TANC1: variants seen among roughly 807,000 people sequenced by gnomAD.
The protein encoded by TANC1 is tetratricopeptide repeat, ankyrin repeat and coiled-coil containing 1.
A neutral mutation model predicts 149.7 loss-of-function variants in TANC1; 77 were observed. The ratio of observed to expected loss-of-function variants is 0.51; its 90% CI spans 0.43 to 0.62. The LOEUF is 0.62. TANC1 is among the 20% of genes least tolerant of loss of function. The pLI is 0.00. For synonymous variants in TANC1, 854 were observed against 925.0 expected, an observed-to-expected ratio of 0.92 and a Z score of 1.39; for missense variants, 1,985 against 2,321.8, an observed-to-expected ratio of 0.85 and a Z score of 2.98.
chr2:159,150,949 A>G (rs1390068124), intron 7 of TANC1, among the ~76,000 whole-genome samples: 1 of 152,064 alleles, frequency 6.6e-6, no homozygotes, highest in Non-Finnish European at 1.5e-5. Context: ...AAGGTCACTT[A>G]TTTTCCTGAT....
Position 159,032,946 on chromosome 2 carries a change from C to T in TANC1, c.-16+31757C>T, listed in dbSNP as rs562898219. 1.5e-4 allele frequency among the ~76,000 whole-genome samples: 23 copies of T among 152,216 alleles called. No homozygotes were observed. The South Asian group carries it at 4.1e-3, about 27-fold the overall frequency. On this transcript the variant is annotated intron_variant, in intron 2 of 26. Coordinates refer to ENST00000263635, the MANE Select transcript of TANC1 (RefSeq NM_033394.3). ...CCCCCTTTTTTCCTCCTACTCTTGCCTGAATCAATTTTGTTATGGAAAGAG... is the reference window on the plus strand; with the variant it reads ...CCCCCTTTTTTCCTCCTACTCTTGCTTGAATCAATTTTGTTATGGAAAGAG...
At chr2:159,039,817 T>G (rs2040488170) in intron 2 of TANC1, among the ~76,000 whole-genome samples, 1 of 152,230 alleles carries the variant, frequency 6.6e-6, no homozygotes. Context: ...CTGAGAAGAA[T>G]GTATATTCTG....
chr2:159,011,372 A>G (rs914431943), intron 2 of TANC1, among the ~76,000 whole-genome samples: 2 of 152,188 alleles, frequency 1.3e-5, no homozygotes, highest in Non-Finnish European at 2.9e-5. Flanking sequence ...AAGATCTCAA[A>G]TCTACTCCTC....
intron 2 of TANC1, among the ~76,000 whole-genome samples, chr2:159,061,794 C>A (rs999221671): frequency 6.6e-6 from 1 of 152,204 alleles, no homozygotes; most frequent in Admixed American, 6.5e-5. Flanking sequence ...TGACATCTGA[C>A]GTTCTTCACA....
At chr2:159,131,052 G>A (rs2050026723) in intron 4 of TANC1, among the ~76,000 whole-genome samples, 1 of 146,382 alleles carries the variant, frequency 6.8e-6, no homozygotes, top group Admixed American at 6.9e-5. Context: ...TTATCTTTAG[G>A]CCTTCTTCTC....
chr2:158,979,267 T>G (rs1046826539), intron 1 of TANC1, among the ~76,000 whole-genome samples: 3 of 152,068 alleles, frequency 2.0e-5, no homozygotes, highest in African/African-American at 7.2e-5. Context: ...GGTAGGAGGA[T>G]CTCTTGAGCC....
At chr2:159,095,958 A>C (rs1038040796) in intron 3 of TANC1, among the ~76,000 whole-genome samples, 1 of 151,194 alleles carries the variant, frequency 6.6e-6, no homozygotes, top group African/African-American at 2.4e-5. Context: ...GGCAGCTTTC[A>C]TTGTTTCTTT....
intron 22 of TANC1, among the ~76,000 whole-genome samples, chr2:159,220,950 A>G (rs1462021812): frequency 6.6e-6 from 1 of 152,226 alleles, no homozygotes; most frequent in Non-Finnish European, 1.5e-5. Context: ...TGATACTTGT[A>G]CACATTGTGG....
chr2:159,130,683 C>T (rs1206430248), intron 4 of TANC1, among the ~76,000 whole-genome samples: 1 of 152,140 alleles, frequency 6.6e-6, no homozygotes, highest in African/African-American at 2.4e-5. Flanking sequence ...AACAGTATTG[C>T]TTTTCTTTCT....
chr2:159,147,132 G>C (rs895701910), intron 5 of TANC1, among the ~76,000 whole-genome samples: 16 of 152,160 alleles, frequency 1.1e-4, no homozygotes, highest in African/African-American at 3.6e-4. Flanking sequence ...GTGGAGCCAA[G>C]CTCCTGCAGC....
intron 7 of TANC1, 163 bp downstream of exon 7, chr2:159,150,719 G>A (rs2052697992): frequency 3.5e-6 from 2 of 578,846 alleles, no homozygotes; most frequent in East Asian, 2.9e-5. Flanking sequence ...AGCTGAGAGA[G>A]TGGAGCATTG....
At chr2:159,100,250 A>G (rs2046547548) in intron 4 of TANC1, among the ~76,000 whole-genome samples, 1 of 152,168 alleles carries the variant, frequency 6.6e-6, no homozygotes, top group African/African-American at 2.4e-5. Context: ...CATGTCAGAT[A>G]TAATTTTATT....
chr2:158,989,214 C>CT (rs1369945870), intron 1 of TANC1, among the ~76,000 whole-genome samples: 11 of 152,114 alleles, frequency 7.2e-5, no homozygotes, highest in Admixed American at 6.5e-4. Context: ...GTTTATAATA[C>CT]TTTTTTGGGG....
chr2:159,175,803 C>G (rs1160306357), intron 12 of TANC1, among the ~76,000 whole-genome samples: 3 of 152,238 alleles, frequency 2.0e-5, no homozygotes, highest in Non-Finnish European at 4.4e-5. Context: ...TCTCTATTGC[C>G]TGGGCAGAAA....
chr2:159,182,145 G>C (rs534130164), intron 14 of TANC1, among the ~76,000 whole-genome samples: 57 of 151,976 alleles, frequency 3.8e-4, no homozygotes, highest in Non-Finnish European at 6.8e-4. Flanking sequence ...GGAGGCGAAG[G>C]TTGCAGTGAG....
chr2:159,125,585 C>CCCTCCCTCCCTT lies in TANC1; in HGVS notation c.260-10606_260-10605insCCCTCCCTTCCT, dbSNP rs1231521085. On this transcript the variant is annotated intron_variant, in intron 4 of 26. Coordinates refer to ENST00000263635, the MANE Select transcript of TANC1 (RefSeq NM_033394.3). ...CCCATTCCTTCCTTCCTCCCTCCCT[C>CCCTCCCTCCCTT]CCTTCCTTCCTTCCTTCCTTTTTTG... Among the ~76,000 whole-genome samples, 960 of 137,794 alleles carry CCCTCCCTCCCTT rather than the reference C, an allele frequency of 7.0e-3. 10 individuals are homozygous for CCCTCCCTCCCTT. The highest frequency in any genetic ancestry group is 0.023 in the African/African-American group (891 of 38,046). 90.4% of individuals were successfully genotyped at this position (137,794 alleles called of 152,430 possible).
At chr2:159,107,675 C>G (rs2149999064) in intron 4 of TANC1, among the ~76,000 whole-genome samples, 1 of 152,320 alleles carries the variant, frequency 6.6e-6, no homozygotes, top group East Asian at 1.9e-4. Context: ...TCCTCTTCCC[C>G]CATTGCTCAT....
chr2:159,070,256 A>G (rs75441806), intron 3 of TANC1, among the ~76,000 whole-genome samples: 5,235 of 151,520 alleles, frequency 0.035, 150 homozygotes, highest in Non-Finnish European at 0.059. Flanking sequence ...CCCAATTTTT[A>G]AAGAAGACTT....
At chr2:159,159,713 TGTGTGAGAGAGAGAGAGA>T (rs1271537112) in intron 7 of TANC1, among the ~76,000 whole-genome samples, 51 of 65,650 alleles carry the variant, frequency 7.8e-4, no homozygotes, top group Admixed American at 1.4e-3. Flanking sequence ...TGTGTGTGTG[TGTGTGAGAGAGAGAGAGA>T]GAGAGAGAGA....
Sources: allele counts gnomAD v4.1 joint callset (sites outside exome capture counted in the v4.1 genomes callset), GRCh38; gene constraint gnomAD v4.1.1; transcripts MANE v1.5; gene names NCBI Gene and HGNC (gene_info 2026-07-23, HGNC 2026-07-21).